SCLT1: variants seen among roughly 807,000 people sequenced by gnomAD.
SCLT1 encodes sodium channel-associated protein 1.
SCLT1 carries 78 observed loss-of-function variants against 112.8 expected under a neutral mutation model. The observed-to-expected ratio is 0.69, with a 90% CI of 0.58 to 0.83. The LOEUF is 0.83. SCLT1 is among the 40% of genes least tolerant of loss of function. The probability of loss-of-function intolerance (pLI) is 0.00; values close to 1 mark genes in which losing one functional copy is unlikely to be tolerated. For missense variants in SCLT1, 747 were observed against 770.4 expected (o/e 0.97, Z 0.36); for synonymous variants, 257 against 254.7 (o/e 1.01, Z -0.09).
intron 18 of SCLT1, among the ~76,000 whole-genome samples, chr4:128,931,737 CAGGCGTG>C (rs1338109425): frequency 6.6e-6 from 1 of 152,206 alleles, no homozygotes; most frequent in Non-Finnish European, 1.5e-5. Context: ...GTTGGGATTA[CAGGCGTG>C]AGCCACCGCA....
At chr4:129,029,444 G>A (rs1425738917) in intron 5 of SCLT1, among the ~76,000 whole-genome samples, 10 of 150,912 alleles carry the variant, frequency 6.6e-5, no homozygotes, top group South Asian at 2.2e-4. Context: ...ACCAAACACC[G>A]CATGTTCTCA....
At chr4:128,929,919 G>C (rs1736621494) in intron 18 of SCLT1, among the ~76,000 whole-genome samples, 1 of 152,128 alleles carries the variant, frequency 6.6e-6, no homozygotes, top group African/African-American at 2.4e-5. Flanking sequence ...TTTAGAGTTT[G>C]AGAAGTTCAA....
chr4:128,905,266 T>C (rs1734607307), intron 18 of SCLT1, among the ~76,000 whole-genome samples: 1 of 152,178 alleles, frequency 6.6e-6, no homozygotes, highest in East Asian at 1.9e-4. Flanking sequence ...CTTCATGCCC[T>C]ATATTTATCA....
intron 16 of SCLT1, among the ~76,000 whole-genome samples, chr4:128,945,556 T>A (rs1738076991): frequency 6.6e-6 from 1 of 152,114 alleles, no homozygotes; most frequent in Non-Finnish European, 1.5e-5. Flanking sequence ...CTATATTAGG[T>A]AATACCGTCG....
At chr4:129,081,372 G>A (rs1416924694) in intron 2 of SCLT1, among the ~76,000 whole-genome samples, 1 of 152,178 alleles carries the variant, frequency 6.6e-6, no homozygotes, top group Non-Finnish European at 1.5e-5. Flanking sequence ...CCTTTTAAAC[G>A]CTTATTCTGT....
intron 5 of SCLT1, among the ~76,000 whole-genome samples, chr4:129,030,251 C>A (rs952853099): frequency 2.6e-5 from 4 of 152,116 alleles, no homozygotes; most frequent in Non-Finnish European, 5.9e-5. Context: ...TCAAGAAGTT[C>A]TTTGAAACCA....
At chr4:128,986,859 G>A (rs1294250108) in intron 9 of SCLT1, among the ~76,000 whole-genome samples, 1 of 152,138 alleles carries the variant, frequency 6.6e-6, no homozygotes, top group Non-Finnish European at 1.5e-5. Flanking sequence ...GGTCTGAAGG[G>A]ATTCGGGTGT....
intron 6 of SCLT1, among the ~76,000 whole-genome samples, chr4:129,001,937 G>A (rs968343708): frequency 5.3e-5 from 8 of 151,562 alleles, no homozygotes; most frequent in African/African-American, 1.9e-4. Context: ...TCCTAGTCTA[G>A]AACAAACAGC....
At chr4:128,979,719 G>A (rs933449803) in intron 9 of SCLT1, among the ~76,000 whole-genome samples, 54 of 152,184 alleles carry the variant, frequency 3.5e-4, no homozygotes, top group African/African-American at 1.1e-3. Context: ...CAAATGTAGC[G>A]TATCTGCAAA....
chr4:129,020,284 CTT>C (rs1745350257), intron 5 of SCLT1, among the ~76,000 whole-genome samples: 1 of 152,122 alleles, frequency 6.6e-6, no homozygotes, highest in Admixed American at 6.5e-5. Flanking sequence ...TAAATACACT[CTT>C]ATATATATAC....
intron 18 of SCLT1, among the ~76,000 whole-genome samples, chr4:128,927,048 T>C (rs1736354500): frequency 6.6e-6 from 1 of 151,764 alleles, no homozygotes; most frequent in African/African-American, 2.4e-5. Flanking sequence ...AGCAAAGATG[T>C]CAGAAGTAGA....
At chr4:129,048,741 C>G (rs199915458) in intron 2 of SCLT1, among the ~76,000 whole-genome samples, 2,139 of 152,098 alleles carry the variant, frequency 0.014, 50 homozygotes, top group African/African-American at 0.046. Flanking sequence ...CTGACAAAGG[C>G]CTAATATCCA....
intron 18 of SCLT1, among the ~76,000 whole-genome samples, chr4:128,892,689 C>T (rs1373494498): frequency 6.6e-6 from 1 of 152,154 alleles, no homozygotes; most frequent in African/African-American, 2.4e-5. Flanking sequence ...ACATTCGTTA[C>T]AGGCCAGGTG....
chr4:128,886,732 T>A (rs977541097), intron 20 of SCLT1, among the ~76,000 whole-genome samples: 4 of 152,184 alleles, frequency 2.6e-5, no homozygotes, highest in African/African-American at 9.6e-5. Flanking sequence ...AACGGTGGAA[T>A]CTTTGCCATT....
intron 2 of SCLT1, among the ~76,000 whole-genome samples, chr4:129,073,010 C>T (rs184721437): frequency 6.6e-6 from 1 of 152,288 alleles, no homozygotes; most frequent in African/African-American, 2.4e-5. Context: ...TGATGTAACA[C>T]TCTGCCCCTT....
intron 5 of SCLT1, among the ~76,000 whole-genome samples, chr4:129,016,726 T>C (rs1745026097): frequency 6.6e-6 from 1 of 152,216 alleles, no homozygotes; most frequent in Non-Finnish European, 1.5e-5. Flanking sequence ...TCTTCTTGGA[T>C]AGTGACATGC....
intron 2 of SCLT1, among the ~76,000 whole-genome samples, chr4:129,051,074 A>C (rs1003665148): frequency 6.6e-6 from 1 of 151,966 alleles, no homozygotes; most frequent in Non-Finnish European, 1.5e-5. Flanking sequence ...GTTCTGTTCC[A>C]TTGGTCTATA....
At chr4:128,948,602 C>A in intron 14 of SCLT1, 32 bp from the exon 15 acceptor site, 1 of 1,466,018 alleles carries the variant, frequency 6.8e-7, no homozygotes. Flanking sequence ...TAAATATATA[C>A]ATTTGGTAAC....
At chr4:129,056,987 T>C (rs1473711074) in intron 2 of SCLT1, among the ~76,000 whole-genome samples, 2 of 152,218 alleles carry the variant, frequency 1.3e-5, no homozygotes, top group African/African-American at 2.4e-5. Context: ...ATGGTCTTAA[T>C]TGGGCTGAGA....
Sources: gnomAD v4.1 joint callset for allele counts (sites outside exome capture counted in the v4.1 genomes callset) on GRCh38, gnomAD v4.1.1 for gene constraint, MANE v1.5 for transcripts, NCBI Gene and HGNC (gene_info 2026-07-23, HGNC 2026-07-21) for gene names.